PARP11: variants seen among roughly 807,000 people sequenced by gnomAD.
PARP11 encodes the protein protein mono-ADP-ribosyltransferase PARP11.
A neutral mutation model predicts 42.9 loss-of-function variants in PARP11; 31 were observed. The ratio of observed to expected loss-of-function variants is 0.72; its 90% CI spans 0.54 to 0.98. PARP11 has a LOEUF of 0.98. Ranked by LOEUF, PARP11 falls within the 50% of genes least tolerant of loss-of-function variation. The probability of loss-of-function intolerance (pLI) is 0.00; values close to 1 mark genes in which losing one functional copy is unlikely to be tolerated. For missense variants in PARP11, 365 were observed against 413.1 expected, an observed-to-expected ratio of 0.88 and a Z score of 1.01; for synonymous variants, 137 against 127.3, an observed-to-expected ratio of 1.08 and a Z score of -0.51.
intron 1 of PARP11, among the ~76,000 whole-genome samples, chr12:3,832,738 A>T (rs1947670577): frequency 1.3e-5 from 2 of 152,388 alleles, no homozygotes; most frequent in South Asian, 4.1e-4. Flanking sequence ...GGTAATAAAA[A>T]GAATATTCAC....
At chr12:3,842,079 CAGAGAG>C (rs910503362) in intron 1 of PARP11, 1 of 1,602,854 alleles carries the variant, frequency 6.2e-7, no homozygotes, top group Admixed American at 1.7e-5. Context: ...AGATTCTAAA[CAGAGAG>C]AGAGAGAAAT....
intron 6 of PARP11, among the ~76,000 whole-genome samples, chr12:3,818,745 TCTTA>T (rs1054624149): frequency 3.2e-4 from 48 of 152,336 alleles, no homozygotes; most frequent in African/African-American, 1.2e-3. Flanking sequence ...TTCAAATTTA[TCTTA>T]CTTGACATCT....
chr12:3,826,147 C>A lies in PARP11; in HGVS notation c.344+11G>T. 6.4e-7 allele frequency: 1 copy of A among 1,550,868 alleles called. No homozygotes were observed. The highest frequency in any genetic ancestry group is 8.7e-7 in the Non-Finnish European group (1 of 1,145,918). ...AACCCACTCTTTCCACCCCTATTCT[C>A]TTTACCATACCTGAAAGCACTGATA... On this transcript the variant is annotated intron_variant, in intron 4 of 7. Transcript: ENST00000228820.
rs150994524 is a variant in PARP11, at chr12:3,860,908, C to T, written c.18+12304G>A. Among the ~76,000 whole-genome samples, 111 of 152,234 alleles carry T rather than the reference C, an allele frequency of 7.3e-4. 2 individuals are homozygous for T. The East Asian group carries it at 0.015, about 21-fold the overall frequency. On this transcript the variant is annotated intron_variant, in intron 1 of 7. Transcript: ENST00000228820. ...GCTCAGGCTGGTCTTCAACTCCTGG[C>T]CTCAAGTGATCCTCCCACCTCAGCC...
At chr12:3,825,650 T>C (rs1227020705) in intron 4 of PARP11, among the ~76,000 whole-genome samples, 1 of 152,188 alleles carries the variant, frequency 6.6e-6, no homozygotes, top group Non-Finnish European at 1.5e-5. Flanking sequence ...AAGGATAACA[T>C]GAAAGGAAGC....
intron 6 of PARP11, among the ~76,000 whole-genome samples, chr12:3,820,343 T>C (rs1294754958): frequency 6.6e-6 from 1 of 152,242 alleles, no homozygotes; most frequent in African/African-American, 2.4e-5. Flanking sequence ...AAAGTTATTT[T>C]AGTTCTTCAG....
At chr12:3,850,764 C>A (rs752715840) in intron 1 of PARP11, among the ~76,000 whole-genome samples, 6 of 152,024 alleles carry the variant, frequency 3.9e-5, no homozygotes, top group Non-Finnish European at 7.4e-5. Flanking sequence ...TATTTATCTA[C>A]AAAACAGAAA....
At chr12:3,816,118 CT>C (rs1027464128) in intron 6 of PARP11, among the ~76,000 whole-genome samples, 7 of 152,150 alleles carry the variant, frequency 4.6e-5, no homozygotes, top group Admixed American at 2.0e-4. Flanking sequence ...TAAGAACTTC[CT>C]TTTTCAGAAC....
Position 3,868,113 on chromosome 12 carries a change from CA to C in PARP11, c.18+5098del, listed in dbSNP as rs371990290. On this transcript the variant is annotated intron_variant, in intron 1 of 7. Transcript: ENST00000228820. Reference sequence around the variant, plus strand: ...GATATAAGTACTTTGTAAGAAGCTGCAAAAAAAAAATCATCCTTCTCAATGA... The same window carrying C: ...GATATAAGTACTTTGTAAGAAGCTGCAAAAAAAAATCATCCTTCTCAATGA... Among the ~76,000 whole-genome samples, 521 of 148,020 alleles carry C rather than the reference CA, an allele frequency of 3.5e-3. 1 individual carries two copies. Among genetic ancestry groups the C allele is most frequent in the South Asian group, 0.013 (59 of 4,698 alleles).
chr12:3,848,438 C>T (rs151266364), intron 1 of PARP11, among the ~76,000 whole-genome samples: 101 of 152,072 alleles, frequency 6.6e-4, no homozygotes, highest in South Asian at 2.3e-3. Flanking sequence ...CAAATCAGCA[C>T]GATACTTGCA....
chr12:3,867,914 G>A (rs942975191), intron 1 of PARP11, among the ~76,000 whole-genome samples: 7 of 152,134 alleles, frequency 4.6e-5, no homozygotes, highest in African/African-American at 1.2e-4. Flanking sequence ...GAAATCTTCC[G>A]ATAATTTTTC....
chr12:3,830,065 C>T (rs1947605069), intron 1 of PARP11, 47 bp from the exon 2 acceptor site: 1 of 1,563,930 alleles, frequency 6.4e-7, no homozygotes, highest in Non-Finnish European at 8.8e-7. Context: ...CTATTAATAA[C>T]AAGTATACTT....
At chr12:3,841,310 C>T (rs553640605) in intron 1 of PARP11, 2 of 1,242,710 alleles carry the variant, frequency 1.6e-6, no homozygotes, top group Admixed American at 1.7e-5. Flanking sequence ...TACAGTTGTC[C>T]TGTGTGGGCC....
intron 1 of PARP11, chr12:3,841,550 C>T (rs1947889315): frequency 6.2e-7 from 1 of 1,603,970 alleles, no homozygotes; most frequent in East Asian, 2.2e-5. Flanking sequence ...TTTTCTTCAC[C>T]TCTGGTTATC....
intron 1 of PARP11, among the ~76,000 whole-genome samples, chr12:3,844,406 G>T (rs1565544051): frequency 6.6e-6 from 1 of 152,070 alleles, no homozygotes; most frequent in Admixed American, 6.5e-5. Context: ...GAAGATAGAG[G>T]GTCCTCCACT....
Position 3,837,281 on chromosome 12 carries a change from C to A in PARP11, c.19-7263G>T, listed in dbSNP as rs192557158. ...ATTATTTACTAGAGCTGAGAAAAAC[C>A]TGAGCGTAAGGCACCATCTAGTGCT... On this transcript the variant is annotated intron_variant, in intron 1 of 7. Coordinates refer to ENST00000228820, the MANE Select transcript of PARP11 (RefSeq NM_020367.6). Among the ~76,000 whole-genome samples the A allele has an allele frequency of 1.0e-3, 154 of 152,240 alleles. 1 individual carries two copies. Among genetic ancestry groups the A allele is most frequent in the African/African-American group, 3.3e-3 (136 of 41,528 alleles).
intron 1 of PARP11, among the ~76,000 whole-genome samples, chr12:3,833,364 G>A (rs1777617842): frequency 6.6e-6 from 1 of 152,136 alleles, no homozygotes; most frequent in Non-Finnish European, 1.5e-5. Flanking sequence ...CTTTGGTGAG[G>A]CTGAGAAGGG....
intron 6 of PARP11, among the ~76,000 whole-genome samples, chr12:3,821,265 A>T (rs1312287965): frequency 1.3e-5 from 2 of 152,176 alleles, no homozygotes; most frequent in African/African-American, 4.8e-5. Flanking sequence ...GCTTATTTTA[A>T]TTTTTTACAT....
chr12:3,850,688 C>G (rs996301501), intron 1 of PARP11, among the ~76,000 whole-genome samples: 1 of 152,022 alleles, frequency 6.6e-6, no homozygotes, highest in Non-Finnish European at 1.5e-5. Flanking sequence ...ATACTGTTGA[C>G]AAGGTCAGAA....
Sources: gnomAD v4.1 joint callset for allele counts (sites outside exome capture counted in the v4.1 genomes callset) on GRCh38, gnomAD v4.1.1 for gene constraint, MANE v1.5 for transcripts, NCBI Gene and HGNC (gene_info 2026-07-23, HGNC 2026-07-21) for gene names.